Variants in GARRE1 observed in about 807,000 individuals in gnomAD.
GARRE1 encodes granule associated Rac and RHOG effector protein 1.
GARRE1 carries 49 observed loss-of-function variants against 103.2 expected under a neutral mutation model. That is an observed-to-expected ratio of 0.47 (90% CI 0.38 to 0.60). The LOEUF is 0.60. Ranked by LOEUF, GARRE1 falls within the 20% of genes least tolerant of loss-of-function variation. GARRE1 has a pLI of 0.00. For missense variants in GARRE1, 1,199 were observed against 1,370.5 expected (o/e 0.87, Z 1.98); for synonymous variants, 505 against 532.8 (o/e 0.95, Z 0.72).
At position 34,341,482 on chromosome 19, in the gene GARRE1, C is replaced by G; in HGVS notation, c.1548C>G (p.Asn516Lys). ...AAAGGGAGATCTGTGATTTTGGCAA[C>G]CAGGCTGACCTGCCTTCTGGAAATG... The part of the protein sequence containing the change: ...QLQREICDFG[N>K]QADLPSGNGN... Residue 516 changes from asparagine (N) to lysine (K), a missense_variant, in exon 10 of 14, where the codon AAC becomes AAG. Asn to Lys is a moderately conservative substitution (Grantham distance 94). Coordinates refer to ENST00000299505, the MANE Select transcript of GARRE1 (RefSeq NM_014686.5). 1 of 1,613,804 alleles carries G rather than the reference C, an allele frequency of 6.2e-7. No homozygotes were observed. The highest frequency in any genetic ancestry group is 8.5e-7 in the Non-Finnish European group (1 of 1,179,980).
chr19:34,259,896 T>C, intron 1 of GARRE1, among the ~76,000 whole-genome samples: 1 of 152,222 alleles, frequency 6.6e-6, no homozygotes, highest in East Asian at 1.9e-4. Flanking sequence ...TCTGATGGCT[T>C]TATAAGGGGC....
chr19:34,283,716 G>A (rs2073868753), intron 1 of GARRE1, among the ~76,000 whole-genome samples: 1 of 152,076 alleles, frequency 6.6e-6, no homozygotes, highest in Non-Finnish European at 1.5e-5. Flanking sequence ...CTTTCTAAAG[G>A]GAAGTGCTTC....
chr19:34,330,226 A>G lies in GARRE1; in HGVS notation c.1142A>G (p.Tyr381Cys). The G allele has an allele frequency of 6.2e-7, 1 of 1,614,186 alleles. No homozygotes were observed. The highest frequency in any genetic ancestry group is 2.2e-5 in the East Asian group (1 of 44,892). ...CAGCTGATGAAGGAGGCAGGCTGCT[A>G]TAATGGAATCACATCCAGGGATGAT... Reference protein sequence around the residue: ...MLQLMKEAGCYNGITSRDDFP... With the variant: ...MLQLMKEAGCCNGITSRDDFP... Residue 381 changes from tyrosine (Y) to cysteine (C), a missense_variant, in exon 7 of 14, where the codon TAT becomes TGT. Tyr to Cys is a radical substitution (Grantham distance 194). Coordinates refer to ENST00000299505, the MANE Select transcript of GARRE1 (RefSeq NM_014686.5).
chr19:34,325,641 G>A (rs1172110829), intron 3 of GARRE1, among the ~76,000 whole-genome samples: 2 of 151,972 alleles, frequency 1.3e-5, no homozygotes, highest in African/African-American at 4.8e-5. Context: ...TCCCTGTCTT[G>A]CTCGCCTTCA....
At chr19:34,329,416 CCTGTGT>C (rs1568307947) in intron 6 of GARRE1, among the ~76,000 whole-genome samples, 1 of 152,076 alleles carries the variant, frequency 6.6e-6, no homozygotes, top group Non-Finnish European at 1.5e-5. Flanking sequence ...TATAGAAATA[CCTGTGT>C]ATATTATCGC....
At chr19:34,286,819 C>G (rs572707662) in intron 1 of GARRE1, among the ~76,000 whole-genome samples, 3 of 152,202 alleles carry the variant, frequency 2.0e-5, no homozygotes, top group African/African-American at 7.2e-5. Flanking sequence ...TTCTTGAATA[C>G]ACAGGAATAT....
chr19:34,319,014 C>A (rs199506069), intron 2 of GARRE1, among the ~76,000 whole-genome samples: 43 of 148,910 alleles, frequency 2.9e-4, no homozygotes, highest in Non-Finnish European at 4.0e-4. Context: ...GACTCCATTT[C>A]AAAAAAAAAA....
intron 1 of GARRE1, among the ~76,000 whole-genome samples, chr19:34,256,250 G>T (rs988641974): frequency 6.6e-6 from 1 of 151,636 alleles, no homozygotes; most frequent in African/African-American, 2.4e-5. Flanking sequence ...GATGGCTCAT[G>T]CCTGTAATCC....
At chr19:34,327,586 T>C in intron 4 of GARRE1, 25 bp downstream of exon 4, 1 of 1,611,050 alleles carries the variant, frequency 6.2e-7, no homozygotes, top group South Asian at 1.1e-5. Flanking sequence ...ACTGACATAC[T>C]GATTTCCACG....
At chr19:34,258,902 A>G (rs1359431644) in intron 1 of GARRE1, among the ~76,000 whole-genome samples, 1 of 152,116 alleles carries the variant, frequency 6.6e-6, no homozygotes, top group African/African-American at 2.4e-5. Flanking sequence ...TCTGTCTCTT[A>G]AAAAAATGAA....
chr19:34,325,318 C>G (rs1228962097), intron 3 of GARRE1, among the ~76,000 whole-genome samples: 1 of 152,152 alleles, frequency 6.6e-6, no homozygotes, highest in African/African-American at 2.4e-5. Context: ...GATCAGTGAG[C>G]AGCCCACTTC....
At chr19:34,259,655 T>A (rs1297591642) in intron 1 of GARRE1, among the ~76,000 whole-genome samples, 1 of 150,800 alleles carries the variant, frequency 6.6e-6, no homozygotes, top group Non-Finnish European at 1.5e-5. Flanking sequence ...ATGATGAAGT[T>A]TTTTTTGTTT....
At chr19:34,346,919 A>T (rs2074214067) in intron 10 of GARRE1, among the ~76,000 whole-genome samples, 1 of 151,400 alleles carries the variant, frequency 6.6e-6, no homozygotes, top group Non-Finnish European at 1.5e-5. Context: ...AGCCCAGCCC[A>T]GTTTTGTTTT....
Position 34,333,746 on chromosome 19 carries a change from G to C in GARRE1, c.1306G>C (p.Ala436Pro). 6.7e-7 allele frequency: 1 copy of C among 1,497,736 alleles called. No homozygotes were observed. The highest frequency in any genetic ancestry group is 2.6e-5 in the East Asian group (1 of 38,462). 92.8% of individuals were successfully genotyped at this position (1,497,736 alleles called of 1,614,324 possible). The change falls in exon 8 of 14, where the codon GCC becomes CCC. Residue 436 changes from alanine (A) to proline (P), a missense_variant. By Grantham distance (27) the Ala-to-Pro change is conservative. Transcript: ENST00000299505. ...TAQIENKEAY[A>P]PQISLEGSRI... is the part of the protein sequence containing the mutation. ...ACAGATTGAGAATAAAGAAGCCTATGCCCCCCAGATCAGTTTAGAAGGCTC... is the reference window on the plus strand; with the variant it reads ...ACAGATTGAGAATAAAGAAGCCTATCCCCCCCAGATCAGTTTAGAAGGCTC...
chr19:34,292,142 G>A (rs993692779), intron 1 of GARRE1, among the ~76,000 whole-genome samples: 5 of 152,108 alleles, frequency 3.3e-5, no homozygotes, highest in Admixed American at 6.5e-5. Context: ...GATTACAGGC[G>A]TGAGCCACCG....
At chr19:34,328,720 G>T (rs1390644202) in intron 6 of GARRE1, among the ~76,000 whole-genome samples, 1 of 151,830 alleles carries the variant, frequency 6.6e-6, no homozygotes, top group East Asian at 2.0e-4. Context: ...CAATCCTCCT[G>T]CCTCACCCTC....
chr19:34,348,874 C>T, intron 11 of GARRE1, 142 bp from the exon 12 acceptor site: 1 of 894,962 alleles, frequency 1.1e-6, no homozygotes, highest in Non-Finnish European at 1.7e-6. Flanking sequence ...AGGAGGAAAA[C>T]CTCACGTTTT....
At chr19:34,334,639 C>A (rs1827786609) in intron 8 of GARRE1, among the ~76,000 whole-genome samples, 1 of 144,878 alleles carries the variant, frequency 6.9e-6, no homozygotes, top group South Asian at 2.2e-4. Context: ...GCGGAGGTTG[C>A]AGAGAGCTGA....
chr19:34,350,166 G>C (rs1475976015), intron 12 of GARRE1, among the ~76,000 whole-genome samples: 1 of 152,210 alleles, frequency 6.6e-6, no homozygotes, highest in African/African-American at 2.4e-5. Context: ...TCTATTTCCA[G>C]CACTTAGTCA....
Sources: gnomAD v4.1 joint callset for allele counts (sites outside exome capture counted in the v4.1 genomes callset) on GRCh38, gnomAD v4.1.1 for gene constraint, MANE v1.5 for transcripts, NCBI Gene and HGNC (gene_info 2026-07-23, HGNC 2026-07-21) for gene names.